The following PDPK1 variants were observed in gnomAD, a reference collection of about 807,000 sequenced individuals.
The protein encoded by PDPK1 is 3-phosphoinositide-dependent protein kinase 1.
In PDPK1, 7 loss-of-function variants were observed where a neutral mutation model predicts 39.8. That is an observed-to-expected ratio of 0.18 (90% CI 0.10 to 0.33). PDPK1 has a LOEUF of 0.33. Ranked by LOEUF, PDPK1 falls within the 10% of genes least tolerant of loss-of-function variation. PDPK1 has a pLI of 1.00. For missense variants in PDPK1, 182 were observed against 384.7 expected (o/e 0.47, Z 4.41); for synonymous variants, 118 against 159.1 (o/e 0.74, Z 1.95).
At chr16:2,544,259 A>C (rs1330616331) in intron 1 of PDPK1, among the ~76,000 whole-genome samples, 1 of 152,184 alleles carries the variant, frequency 6.6e-6, no homozygotes, top group African/African-American at 2.4e-5. Flanking sequence ...CAGCATGCCC[A>C]GTATAACTTT....
chr16:2,544,786 C>G (rs892181149), intron 1 of PDPK1, among the ~76,000 whole-genome samples: 4 of 151,900 alleles, frequency 2.6e-5, no homozygotes, highest in South Asian at 4.2e-4. Context: ...GGGTTTCACC[C>G]TGTTAGCTAG....
At chr16:2,538,763 G>A in intron 1 of PDPK1, 2 of 1,284,750 alleles carry the variant, frequency 1.6e-6, no homozygotes, top group Non-Finnish European at 2.0e-6. Flanking sequence ...GGGAAAGTGA[G>A]CTTGACAGGT....
At chr16:2,543,665 A>G (rs2141937697) in intron 1 of PDPK1, among the ~76,000 whole-genome samples, 1 of 151,762 alleles carries the variant, frequency 6.6e-6, no homozygotes, top group East Asian at 1.9e-4. Flanking sequence ...AAATTTCCCT[A>G]CATGGAAACC....
chr16:2,595,915 G>A (rs1419609822), intron 12 of PDPK1, 65 bp downstream of exon 12: 2 of 1,221,752 alleles, frequency 1.6e-6, no homozygotes, highest in Non-Finnish European at 2.4e-6. Context: ...CCAGCTTAGG[G>A]GAGGGCAGCT....
At chr16:2,538,532 G>A (rs1250291785) in intron 1 of PDPK1, 238 of 826,954 alleles carry the variant, frequency 2.9e-4, no homozygotes, top group Non-Finnish European at 4.0e-4. Context: ...ACCTGGAACG[G>A]GGTCCTTGGC....
At chr16:2,545,984 T>C (rs182574542) in intron 1 of PDPK1, among the ~76,000 whole-genome samples, 8 of 152,274 alleles carry the variant, frequency 5.3e-5, no homozygotes, top group South Asian at 2.1e-4. Flanking sequence ...TTTATATAAA[T>C]ACAGGATTCA....
Position 2,598,246 on chromosome 16 carries a change from T to TGCGGGGGCCACAGCTTTGTG in PDPK1, c.*488_*489insACAGCTTTGTGGCGGGGGCC, listed in dbSNP as rs1555449289. ...GAACTCTTCACCAGGGAGGGAGCCC[T>TGCGGGGGCCACAGCTTTGTG]GCGGGGGCCGCAGCTTTGTGGAGGG... On this transcript the variant is annotated 3_prime_UTR_variant, in exon 14 of 14. Coordinates refer to ENST00000342085, the MANE Select transcript of PDPK1 (RefSeq NM_002613.5). 3 of 234,648 alleles carry TGCGGGGGCCACAGCTTTGTG rather than the reference T, an allele frequency of 1.3e-5. No homozygotes were observed. Among genetic ancestry groups the TGCGGGGGCCACAGCTTTGTG allele is most frequent in the African/African-American group, 6.6e-5 (3 of 45,364 alleles). The allele number at this position is 234,648 out of a possible 1,614,324, so 14.5% of individuals were successfully genotyped here.
chr16:2,538,827 T>C lies in PDPK1; in HGVS notation c.24+691T>C, dbSNP rs1265219801. ...CAAACCACTTGTTGGGTGAAATGTTTTGCTAAAAGTGTCGCTGGTGTTTCT... is the reference window on the plus strand; with the variant it reads ...CAAACCACTTGTTGGGTGAAATGTTCTGCTAAAAGTGTCGCTGGTGTTTCT... On this transcript the variant is annotated intron_variant, in intron 1 of 13. Transcript: ENST00000342085. The C allele has an allele frequency of 5.1e-6, 6 of 1,168,050 alleles. No individual in the cohort carries two copies. In the African/African-American group the frequency reaches 8.0e-5, roughly 16 times the overall value. The allele number at this position is 1,168,050 out of a possible 1,614,324, so 72.4% of individuals were successfully genotyped here.
intron 1 of PDPK1, among the ~76,000 whole-genome samples, chr16:2,539,954 A>C (rs1044898002): frequency 2.0e-5 from 3 of 152,240 alleles, no homozygotes; most frequent in African/African-American, 4.8e-5. Flanking sequence ...AAACACTGGA[A>C]TCCAGTGAGC....
rs185318792 is a variant in PDPK1, at chr16:2,603,119, G to A, written c.*5352G>A. On this transcript the variant is annotated 3_prime_UTR_variant, in exon 14 of 14. Coordinates refer to ENST00000342085, the MANE Select transcript of PDPK1 (RefSeq NM_002613.5). Reference sequence around the variant, plus strand: ...TTTTTTCCAAATACTTGTGCTTTAGGTGTAGTTACCAGATGATGAATTTTC... The same window carrying A: ...TTTTTTCCAAATACTTGTGCTTTAGATGTAGTTACCAGATGATGAATTTTC... The A allele has an allele frequency of 1.0e-3, 230 of 225,068 alleles. No individual in the cohort carries two copies. Among genetic ancestry groups the A allele is most frequent in the Non-Finnish European group, 1.3e-3 (142 of 113,272 alleles). 13.9% of individuals were successfully genotyped at this position (225,068 alleles called of 1,614,324 possible).
chr16:2,599,086 T>C lies in PDPK1; in HGVS notation c.*1319T>C. 1 of 233,462 alleles carries C rather than the reference T, an allele frequency of 4.3e-6. No homozygotes were observed. The allele number at this position is 233,462 out of a possible 1,614,324, so 14.5% of individuals were successfully genotyped here. ...TGATGCTTTGGTGGCCTTGCCCCGC[T>C]CTGCAGCACAGACAGGCCAGATGCA... On this transcript the variant is annotated 3_prime_UTR_variant, in exon 14 of 14. Transcript: ENST00000342085.
chr16:2,553,170 T>TAAAAAAAAAA (rs1162812696), intron 1 of PDPK1, among the ~76,000 whole-genome samples: 10 of 130,844 alleles, frequency 7.6e-5, no homozygotes, highest in African/African-American at 3.2e-4. Flanking sequence ...CTTTTTTTTT[T>TAAAAAAAAAA]AAAAAAAAAA....
chr16:2,538,101 G>C lies in PDPK1; in HGVS notation c.-12G>C, dbSNP rs892801361. 2.8e-6 allele frequency: 3 copies of C among 1,060,984 alleles called. No homozygotes were observed. The Admixed American group carries it at 1.7e-4, about 58-fold the overall frequency. The allele number at this position is 1,060,984 out of a possible 1,614,324, so 65.7% of individuals were successfully genotyped here. A position where few individuals can be genotyped will look rare whatever the true frequency, so the allele number is the denominator to read the frequency against. On this transcript the variant is annotated 5_prime_UTR_variant, in exon 1 of 14. Coordinates refer to ENST00000342085, the MANE Select transcript of PDPK1 (RefSeq NM_002613.5). ...GCGCTGCGGGGGAGGCGCCCGCGCCGACGCGGGGCCCATGGCCAGGACCAC... is the reference window on the plus strand; with the variant it reads ...GCGCTGCGGGGGAGGCGCCCGCGCCCACGCGGGGCCCATGGCCAGGACCAC...
At chr16:2,553,363 T>G (rs1281426142) in intron 1 of PDPK1, among the ~76,000 whole-genome samples, 1 of 140,438 alleles carries the variant, frequency 7.1e-6, no homozygotes, top group South Asian at 2.3e-4. Context: ...ATTTCTTTTT[T>G]AAAAAGAGAC....
At chr16:2,540,099 A>G (rs1441289256) in intron 1 of PDPK1, among the ~76,000 whole-genome samples, 1 of 152,228 alleles carries the variant, frequency 6.6e-6, no homozygotes, top group East Asian at 1.9e-4. Context: ...TGGTAGAGGC[A>G]GCCCTGATCC....
chr16:2,541,217 G>T (rs550699603), intron 1 of PDPK1, among the ~76,000 whole-genome samples: 15 of 152,192 alleles, frequency 9.9e-5, no homozygotes, highest in Non-Finnish European at 2.1e-4. Flanking sequence ...CTTCTTGACA[G>T]GTCTTGGCCC....
At chr16:2,544,067 AT>A (rs1183144127) in intron 1 of PDPK1, among the ~76,000 whole-genome samples, 1 of 152,066 alleles carries the variant, frequency 6.6e-6, no homozygotes, top group Non-Finnish European at 1.5e-5. Context: ...AATCATGACA[AT>A]AAAAAAAAGT....
intron 11 of PDPK1, among the ~76,000 whole-genome samples, chr16:2,590,240 C>G (rs2066962028): frequency 6.6e-6 from 1 of 152,164 alleles, no homozygotes; most frequent in African/African-American, 2.4e-5. Flanking sequence ...CCTGCCTCAG[C>G]CTCCCAAGTA....
chr16:2,538,645 C>G (rs759476910), intron 1 of PDPK1: 23 of 1,289,064 alleles, frequency 1.8e-5, no homozygotes, highest in East Asian at 1.1e-4. Flanking sequence ...GTCGGGAAAA[C>G]TCGCCTTTCA....
Sources: gnomAD v4.1 joint callset for allele counts (sites outside exome capture counted in the v4.1 genomes callset) on GRCh38, gnomAD v4.1.1 for gene constraint, MANE v1.5 for transcripts, NCBI Gene and HGNC (gene_info 2026-07-23, HGNC 2026-07-21) for gene names.